TNPO3: variants seen among roughly 807,000 people sequenced by gnomAD.
TNPO3 encodes the protein transportin-3.
A neutral mutation model predicts 122.8 loss-of-function variants in TNPO3; 65 were observed. That is an observed-to-expected ratio of 0.53 (90% CI 0.43 to 0.65). The LOEUF (loss-of-function observed/expected upper bound fraction) is 0.65. Among genes scored for constraint, TNPO3 ranks in the 30% least tolerant of loss-of-function variants. TNPO3 has a pLI of 0.00. For synonymous variants in TNPO3, 372 were observed against 411.2 expected (o/e 0.90, Z 1.15); for missense variants, 850 against 1,136.7 (o/e 0.75, Z 3.63).
chr7:128,986,779 G>C lies in TNPO3; in HGVS notation c.1640C>G (p.Ser547Cys), dbSNP rs1800202347. 6.2e-7 allele frequency: 1 copy of C among 1,613,912 alleles called. No homozygotes were observed. The highest frequency in any genetic ancestry group is 1.3e-5 in the African/African-American group (1 of 74,896). The change falls in exon 12 of 23, where the codon TCC becomes TGC. Residue 547 changes from serine (S) to cysteine (C), a missense_variant. Coordinates refer to ENST00000265388, the MANE Select transcript of TNPO3 (RefSeq NM_012470.4). ...HFNGLLEIAR[S>C]LDSFLLSPEA... The stretch of plus-strand genomic sequence containing the variant: ...TGGAGACAACAGGAAGGAATCGAGG[G>C]AGCGGGCAATCTCCAGGAGTCCATT...
intron 10 of TNPO3, among the ~76,000 whole-genome samples, chr7:128,990,552 T>C (rs765998340): frequency 3.3e-5 from 5 of 152,244 alleles, no homozygotes; most frequent in Non-Finnish European, 5.9e-5. Flanking sequence ...GACCATTCTC[T>C]GTTGTTTTGC....
intron 4 of TNPO3, among the ~76,000 whole-genome samples, chr7:129,012,006 T>TC (rs200961446): frequency 0.077 from 10,537 of 136,782 alleles, 274 homozygotes; most frequent in Non-Finnish European, 0.1. Flanking sequence ...TTTCTTTCTT[T>TC]TTTTTTTTTT....
At chr7:128,957,337 G>T in intron 21 of TNPO3, 22 bp from the exon 22 acceptor site, 3 of 1,613,762 alleles carry the variant, frequency 1.9e-6, no homozygotes, top group Non-Finnish European at 2.5e-6. Flanking sequence ...AAGGTAGGTT[G>T]GTCCTTGACT....
chr7:129,016,192 C>G (rs142584143), intron 3 of TNPO3, among the ~76,000 whole-genome samples: 6,731 of 152,176 alleles, frequency 0.044, 209 homozygotes, highest in Middle Eastern at 0.1. Context: ...CACTTGAGGT[C>G]AGGAGTTTGA....
At chr7:129,031,907 G>A (rs773753881) in intron 1 of TNPO3, among the ~76,000 whole-genome samples, 3 of 151,780 alleles carry the variant, frequency 2.0e-5, no homozygotes, top group Non-Finnish European at 4.4e-5. Flanking sequence ...GATGGGTTTC[G>A]AGCTCCTGGC....
intron 21 of TNPO3, among the ~76,000 whole-genome samples, chr7:128,958,207 G>A (rs373869695): frequency 7.7e-6 from 1 of 129,918 alleles, no homozygotes; most frequent in East Asian, 2.4e-4. Flanking sequence ...GCAATGGCAC[G>A]ATCTCAGCTC....
At chr7:128,979,223 G>A (rs1563091767) in intron 15 of TNPO3, 100 bp from the exon 16 acceptor site, 1 of 1,439,338 alleles carries the variant, frequency 6.9e-7, no homozygotes, top group Non-Finnish European at 9.5e-7. Flanking sequence ...TTAAATAACT[G>A]GGACAAAACT....
chr7:128,989,153 A>T (rs1361396067), intron 11 of TNPO3, among the ~76,000 whole-genome samples: 3 of 152,234 alleles, frequency 2.0e-5, no homozygotes, highest in African/African-American at 7.2e-5. Context: ...CTCAGTGTAT[A>T]GAAACAAAGA....
chr7:128,989,861 TAAAA>T, intron 11 of TNPO3, 96 bp downstream of exon 11: 1 of 1,398,532 alleles, frequency 7.2e-7, no homozygotes, highest in Non-Finnish European at 9.8e-7. Flanking sequence ...CACTCCGTGT[TAAAA>T]AAACAGAAAG....
intron 1 of TNPO3, among the ~76,000 whole-genome samples, chr7:129,045,548 C>A (rs78417462): frequency 3.1e-4 from 45 of 144,224 alleles, no homozygotes; most frequent in Middle Eastern, 3.3e-3. Context: ...TGTTTTGCCA[C>A]AAAAAAAAAA....
intron 1 of TNPO3, among the ~76,000 whole-genome samples, chr7:129,037,960 G>A (rs80342415): frequency 0.01 from 1,538 of 152,218 alleles, 20 homozygotes; most frequent in African/African-American, 0.035. Flanking sequence ...CACTGAGGCC[G>A]CCCTACCAGA....
intron 7 of TNPO3, among the ~76,000 whole-genome samples, chr7:128,998,005 T>A (rs1209567634): frequency 1.1e-5 from 1 of 91,030 alleles, no homozygotes; most frequent in Non-Finnish European, 2.5e-5. Flanking sequence ...GCTCAGCTAA[T>A]TTTTTTTTTT....
intron 16 of TNPO3, 62 bp downstream of exon 16, chr7:128,978,921 C>T (rs981940067): frequency 8.8e-6 from 14 of 1,589,390 alleles, no homozygotes; most frequent in Non-Finnish European, 1.1e-5. Flanking sequence ...CGTGAGCCAC[C>T]GCACCCTGCC....
intron 8 of TNPO3, among the ~76,000 whole-genome samples, chr7:128,996,272 C>T (rs1434770443): frequency 6.6e-6 from 1 of 152,128 alleles, no homozygotes; most frequent in Non-Finnish European, 1.5e-5. Flanking sequence ...TTCTAATAAA[C>T]TAATAATTTT....
intron 4 of TNPO3, among the ~76,000 whole-genome samples, chr7:129,008,086 T>G (rs1212906783): frequency 6.6e-6 from 1 of 151,286 alleles, no homozygotes; most frequent in African/African-American, 2.4e-5. Flanking sequence ...GATGCAGAGG[T>G]TGCAGTGAGC....
At chr7:128,957,344 G>C (rs780783459) in intron 21 of TNPO3, 29 bp from the exon 22 acceptor site, 1 of 1,612,448 alleles carries the variant, frequency 6.2e-7, no homozygotes, top group South Asian at 1.1e-5. Context: ...GTTGGTCCTT[G>C]ACTGAGGAGA....
At chr7:128,961,241 A>C (rs1278422773) in intron 21 of TNPO3, among the ~76,000 whole-genome samples, 1 of 152,152 alleles carries the variant, frequency 6.6e-6, no homozygotes, top group Non-Finnish European at 1.5e-5. Flanking sequence ...ATTCATGGTA[A>C]GTGCCCTCAT....
intron 5 of TNPO3, among the ~76,000 whole-genome samples, chr7:129,004,516 C>T (rs1407695708): frequency 6.6e-6 from 1 of 152,212 alleles, no homozygotes; most frequent in African/African-American, 2.4e-5. Context: ...ACTTATTCTA[C>T]TAATCTCAAA....
chr7:128,978,948 C>T (rs1372183954), intron 16 of TNPO3, 35 bp downstream of exon 16: 2 of 1,610,812 alleles, frequency 1.2e-6, no homozygotes, highest in Non-Finnish European at 1.7e-6. Context: ...AAATTCTGTA[C>T]ATGGAACACG....
Sources: allele counts gnomAD v4.1 joint callset (sites outside exome capture counted in the v4.1 genomes callset), GRCh38; gene constraint gnomAD v4.1.1; transcripts MANE v1.5; gene names NCBI Gene and HGNC (gene_info 2026-07-23, HGNC 2026-07-21).